Variants in SAMD3 observed in about 807,000 individuals in gnomAD.
SAMD3 encodes the protein sterile alpha motif domain-containing protein 3.
In SAMD3, 63 loss-of-function variants were observed where a neutral mutation model predicts 58.5. The observed-to-expected ratio is 1.08, with a 90% CI of 0.88 to 1.33. SAMD3 has a LOEUF of 1.33. Among genes scored for constraint, SAMD3 ranks in the 40% most tolerant of loss-of-function variants. The probability of loss-of-function intolerance (pLI) is 0.00; values close to 1 mark genes in which losing one functional copy is unlikely to be tolerated. For synonymous variants in SAMD3, 220 were observed against 210.3 expected, an observed-to-expected ratio of 1.05 and a Z score of -0.40; for missense variants, 604 against 608.4, an observed-to-expected ratio of 0.99 and a Z score of 0.08.
chr6:130,187,690 A>C (rs1194487843), intron 5 of SAMD3, among the ~76,000 whole-genome samples: 3 of 152,240 alleles, frequency 2.0e-5, no homozygotes, highest in East Asian at 3.8e-4. Flanking sequence ...TGAGGTTAAG[A>C]TTATTCATAA....
intron 2 of SAMD3, among the ~76,000 whole-genome samples, chr6:130,309,940 G>T (rs1776085298): frequency 6.6e-6 from 1 of 152,188 alleles, no homozygotes. Flanking sequence ...GAGAGGGAGA[G>T]AGAGAGAAAA....
chr6:130,253,091 C>G (rs927561305), intron 2 of SAMD3, among the ~76,000 whole-genome samples: 2 of 152,184 alleles, frequency 1.3e-5, no homozygotes, highest in African/African-American at 4.8e-5. Flanking sequence ...AAGTTCAGTT[C>G]ATATTGTGCT....
intron 4 of SAMD3, among the ~76,000 whole-genome samples, chr6:130,212,239 A>G (rs181526613): frequency 6.6e-6 from 1 of 152,306 alleles, no homozygotes; most frequent in Non-Finnish European, 1.5e-5. Context: ...CAATAAGCAA[A>G]TACAACCAAC....
In SAMD3 at chr6:130,214,215, T is replaced by C. The variant is rs958930739; in HGVS notation, c.269+122A>G. On this transcript the variant is annotated intron_variant, in intron 4 of 11. Transcript: ENST00000439090. ...CTTTGCTCAAATATTAGAAATACCG[T>C]ACATACAATCTAGCTGAAAACGGTC... The C allele has an allele frequency of 5.5e-6, 4 of 726,976 alleles. No homozygotes were observed. In the African/African-American group the frequency reaches 7.3e-5, roughly 13 times the overall value. The allele number at this position is 726,976 out of a possible 1,614,324, so 45.0% of individuals were successfully genotyped here.
chr6:130,231,284 C>A (rs1004408814), intron 2 of SAMD3, among the ~76,000 whole-genome samples: 41 of 152,060 alleles, frequency 2.7e-4, no homozygotes, highest in African/African-American at 9.2e-4. Flanking sequence ...AATTTTTAGG[C>A]CAGGCACAGT....
intron 2 of SAMD3, among the ~76,000 whole-genome samples, chr6:130,295,689 G>T (rs1343907388): frequency 1.3e-5 from 2 of 152,180 alleles, no homozygotes; most frequent in East Asian, 1.9e-4. Flanking sequence ...AGTGATCCTT[G>T]TCCCCCCTCT....
chr6:130,164,229 T>A (rs924924959), intron 8 of SAMD3, among the ~76,000 whole-genome samples: 10 of 152,340 alleles, frequency 6.6e-5, no homozygotes, highest in African/African-American at 2.4e-4. Context: ...TAGAGAAATG[T>A]CCTTAACATT....
At chr6:130,351,247 G>C (rs916349228) in intron 1 of SAMD3, among the ~76,000 whole-genome samples, 3 of 152,224 alleles carry the variant, frequency 2.0e-5, no homozygotes, top group Admixed American at 1.3e-4. Context: ...AAACTAAAGA[G>C]CTTCTGCACA....
At chr6:130,233,302 G>A (rs1282611702) in intron 2 of SAMD3, among the ~76,000 whole-genome samples, 1 of 152,166 alleles carries the variant, frequency 6.6e-6, no homozygotes, top group Non-Finnish European at 1.5e-5. Context: ...TGCAGGATGT[G>A]CAGGTCTGTT....
chr6:130,146,849 T>C (rs1002279240), intron 9 of SAMD3, among the ~76,000 whole-genome samples: 4 of 152,044 alleles, frequency 2.6e-5, no homozygotes, highest in Non-Finnish European at 4.4e-5. Context: ...AACATACGTG[T>C]ATAGTCTCAG....
Position 130,154,849 on chromosome 6 carries a change from A to C in SAMD3, c.999T>G (p.Phe333Leu). 1 of 1,612,772 alleles carries C rather than the reference A, an allele frequency of 6.2e-7. No homozygotes were observed. Among genetic ancestry groups the C allele is most frequent in the South Asian group, 1.1e-5 (1 of 91,030 alleles). The change falls in exon 9 of 12, where the codon TTT (phenylalanine) becomes TTG (leucine). Residue 333 changes from phenylalanine to leucine, a missense_variant. Coordinates refer to ENST00000439090, the MANE Select transcript of SAMD3 (RefSeq NM_001017373.4). ...CCTGATAAGGGCACTTCAAGAAAGG[A>C]AACAGTTTAAGAATGTCCTTCAGAG... ...RTPLKDILKL[F>L]PFLKCPYQMF...
intron 2 of SAMD3, among the ~76,000 whole-genome samples, chr6:130,231,985 AT>A (rs1462756929): frequency 3.3e-5 from 5 of 152,202 alleles, no homozygotes; most frequent in African/African-American, 1.2e-4. Context: ...TGTCAGTAAT[AT>A]GATTGGGGAT....
At chr6:130,208,651 C>A (rs753386168) in intron 5 of SAMD3, among the ~76,000 whole-genome samples, 2 of 152,170 alleles carry the variant, frequency 1.3e-5, no homozygotes, top group South Asian at 2.1e-4. Context: ...TCTTCCATCA[C>A]CCCCAGATGG....
upstream of SAMD3, among the ~76,000 whole-genome samples, chr6:130,227,077 A>G (rs1391649876): frequency 6.6e-6 from 1 of 152,184 alleles, no homozygotes; most frequent in Non-Finnish European, 1.5e-5. Context: ...GAACATTTTC[A>G]TCATCCCCAA....
intron 1 of SAMD3, among the ~76,000 whole-genome samples, chr6:130,359,424 T>C (rs564258797): frequency 6.6e-6 from 1 of 152,334 alleles, no homozygotes; most frequent in Admixed American, 6.5e-5. Context: ...CTGTGTTCTT[T>C]TCTGGAAATT....
intron 1 of SAMD3, among the ~76,000 whole-genome samples, chr6:130,358,874 G>T (rs1047451029): frequency 1.3e-5 from 2 of 152,104 alleles, no homozygotes; most frequent in Non-Finnish European, 2.9e-5. Flanking sequence ...GTCTAATGCT[G>T]CATGGTATTC....
At position 130,144,763 on chromosome 6, in the gene SAMD3, G is replaced by A. The variant is rs758364916; in HGVS notation, c.1320C>T (p.Phe440=). ...STPVLEVKNP[F]NMEVCEFSLY... ...AAGAAAATTCGCAGACCTCCATGTT[G>A]AAAGGGTTTTTAACTTCCAACACAG... Residue 440 remains phenylalanine, a synonymous_variant, in exon 12 of 12, where the codon TTC becomes TTT. Transcript: ENST00000439090. 1.2e-6 allele frequency: 2 copies of A among 1,613,942 alleles called. No homozygotes were observed. The highest frequency in any genetic ancestry group is 4.5e-5 in the East Asian group (2 of 44,830).
At chr6:130,151,762 C>A (rs747374209) in intron 9 of SAMD3, among the ~76,000 whole-genome samples, 1 of 151,940 alleles carries the variant, frequency 6.6e-6, no homozygotes. Context: ...TTTTTTGAGA[C>A]TTTATTAGCT....
At chr6:130,200,557 CAAAAA>C (rs11375395) in intron 5 of SAMD3, among the ~76,000 whole-genome samples, 3 of 97,244 alleles carry the variant, frequency 3.1e-5, no homozygotes, top group African/African-American at 1.2e-4. Context: ...CCCCGACCCA[CAAAAA>C]AAAAAAAAAA....
Sources: gnomAD v4.1 joint callset for allele counts (sites outside exome capture counted in the v4.1 genomes callset) on GRCh38, gnomAD v4.1.1 for gene constraint, MANE v1.5 for transcripts, NCBI Gene and HGNC (gene_info 2026-07-23, HGNC 2026-07-21) for gene names.